CTXND1: variants seen among roughly 807,000 people sequenced by gnomAD.
The protein encoded by CTXND1 is cortexin domain containing 1.
At chr15:80,225,435 C>T (rs61367426) in intron 1 of CTXND1, among the ~76,000 whole-genome samples, 2,152 of 129,510 alleles carry the variant, frequency 0.017, 35 homozygotes, top group African/African-American at 0.04. Flanking sequence ...CCCCTTTTTT[C>T]CCCACCATTT....
At chr15:80,203,901 C>A (rs1485355571) in intron 1 of CTXND1, among the ~76,000 whole-genome samples, 161 bp from the exon 2 acceptor site, 1 of 151,716 alleles carries the variant, frequency 6.6e-6, no homozygotes, top group Non-Finnish European at 1.5e-5. Flanking sequence ...AATATAACAA[C>A]TTTCAAGTCT....
chr15:80,204,189 T>TACAC (rs1273254698), intron 1 of CTXND1, among the ~76,000 whole-genome samples: 2 of 52,930 alleles, frequency 3.8e-5, no homozygotes, highest in African/African-American at 1.8e-4. Flanking sequence ...TATATATATA[T>TACAC]ATATATATAT....
chr15:80,222,903 A>C (rs1430612604), intron 1 of CTXND1, among the ~76,000 whole-genome samples: 2 of 152,204 alleles, frequency 1.3e-5, no homozygotes, highest in African/African-American at 4.8e-5. Context: ...ACACAAATAC[A>C]TACAGACACA....
chr15:80,235,942 G>C (rs1443675193), intron 1 of CTXND1, among the ~76,000 whole-genome samples: 1 of 149,568 alleles, frequency 6.7e-6, no homozygotes, highest in East Asian at 2.0e-4. Flanking sequence ...GAAGAGTGTC[G>C]GGTTCCTAGT....
intron 1 of CTXND1, among the ~76,000 whole-genome samples, chr15:80,218,849 T>G (rs1053081162): frequency 1.3e-5 from 2 of 152,040 alleles, no homozygotes; most frequent in African/African-American, 4.8e-5. Context: ...CCTCCTGAAG[T>G]TGTGGATCAT....
intron 1 of CTXND1, among the ~76,000 whole-genome samples, chr15:80,206,371 G>A (rs936661916): frequency 6.6e-6 from 1 of 152,138 alleles, no homozygotes; most frequent in East Asian, 1.9e-4. Context: ...ATGAAGTTAA[G>A]CATCTTTGCA....
intron 1 of CTXND1, among the ~76,000 whole-genome samples, chr15:80,232,908 A>G (rs1035224046): frequency 5.9e-5 from 9 of 151,688 alleles, no homozygotes; most frequent in Non-Finnish European, 2.9e-5. Context: ...CTGAACTACC[A>G]ACAGTGTGAT....
At chr15:80,251,643 A>C (rs994270180) in intron 1 of CTXND1, among the ~76,000 whole-genome samples, 8 of 152,180 alleles carry the variant, frequency 5.3e-5, no homozygotes, top group African/African-American at 1.9e-4. Flanking sequence ...CAGAACAGCG[A>C]GGGTGCCTGA....
At chr15:80,219,883 T>G (rs571845400) in intron 1 of CTXND1, among the ~76,000 whole-genome samples, 2 of 152,254 alleles carry the variant, frequency 1.3e-5, no homozygotes, top group African/African-American at 4.8e-5. Context: ...TTTATCTTTA[T>G]TCTAAATATC....
chr15:80,243,383 T>A (rs953263892), intron 1 of CTXND1, among the ~76,000 whole-genome samples: 1 of 152,190 alleles, frequency 6.6e-6, no homozygotes, highest in African/African-American at 2.4e-5. Flanking sequence ...CACCTTAGCA[T>A]ATTCTCTGGG....
chr15:80,203,216 C>T (rs1014534393), intron 2 of CTXND1, among the ~76,000 whole-genome samples: 14 of 152,318 alleles, frequency 9.2e-5, no homozygotes, highest in African/African-American at 3.1e-4. Flanking sequence ...TCGTCCCTAT[C>T]CTCATCCCTG....
chr15:80,221,935 A>G (rs1362203419), intron 1 of CTXND1, among the ~76,000 whole-genome samples: 1 of 152,208 alleles, frequency 6.6e-6, no homozygotes, highest in African/African-American at 2.4e-5. Context: ...TTAATTGTTA[A>G]TTTCTAGTTT....
At chr15:80,210,228 G>T (rs1010500146) in intron 1 of CTXND1, among the ~76,000 whole-genome samples, 1 of 152,188 alleles carries the variant, frequency 6.6e-6, no homozygotes, top group Non-Finnish European at 1.5e-5. Flanking sequence ...TGGGGGCAAG[G>T]TGGGCATGAG....
chr15:80,234,478 T>C (rs1379768487), intron 1 of CTXND1, among the ~76,000 whole-genome samples: 6 of 59,388 alleles, frequency 1.0e-4, no homozygotes, highest in South Asian at 5.9e-4. Context: ...AACATGCCCT[T>C]TTTTTTTTTT....
At chr15:80,251,921 C>G (rs982450065) in intron 1 of CTXND1, 86 bp downstream of exon 1, 1 of 151,932 alleles carries the variant, frequency 6.6e-6, no homozygotes, top group African/African-American at 2.4e-5. Flanking sequence ...GTGACCCGCG[C>G]GACGCCCCGG....
At chr15:80,218,916 C>T (rs1291785411) in intron 1 of CTXND1, among the ~76,000 whole-genome samples, 3 of 146,456 alleles carry the variant, frequency 2.0e-5, no homozygotes, top group Admixed American at 1.4e-4. Flanking sequence ...ATACACCATA[C>T]TGAGTGTTAT....
intron 1 of CTXND1, among the ~76,000 whole-genome samples, chr15:80,242,995 G>C (rs762927131): frequency 2.0e-5 from 3 of 152,228 alleles, no homozygotes; most frequent in African/African-American, 4.8e-5. Context: ...CAGGAGGCTT[G>C]GATTTGTGAA....
At chr15:80,225,386 T>G (rs1209739798) in intron 1 of CTXND1, among the ~76,000 whole-genome samples, 1 of 152,194 alleles carries the variant, frequency 6.6e-6, no homozygotes, top group Non-Finnish European at 1.5e-5. Flanking sequence ...CACCTTTTAT[T>G]TAAAAATTCA....
chr15:80,225,672 G>A (rs904457927), intron 1 of CTXND1, among the ~76,000 whole-genome samples: 1 of 152,046 alleles, frequency 6.6e-6, no homozygotes, highest in African/African-American at 2.4e-5. Flanking sequence ...CATCCATTAT[G>A]CTTTCAATTT....
Sources: gnomAD v4.1 joint callset for allele counts (sites outside exome capture counted in the v4.1 genomes callset) on GRCh38, gnomAD v4.1.1 for gene constraint, MANE v1.5 for transcripts, NCBI Gene and HGNC (gene_info 2026-07-23, HGNC 2026-07-21) for gene names.